Variants in EPB41L4B observed in about 807,000 individuals in gnomAD.
EPB41L4B encodes band 4.1-like protein 4B.
Under a neutral mutation model 112.5 loss-of-function variants are expected in EPB41L4B, and 30 were observed. The ratio of observed to expected loss-of-function variants is 0.27; its 90% CI spans 0.20 to 0.36. The LOEUF is 0.36. EPB41L4B is among the 10% of genes least tolerant of loss of function. The pLI is 1.00. For synonymous variants in EPB41L4B, 408 were observed against 439.7 expected, an observed-to-expected ratio of 0.93 and a Z score of 0.90; for missense variants, 1,024 against 1,133.3, an observed-to-expected ratio of 0.90 and a Z score of 1.38.
At chr9:109,256,525 C>G in intron 7 of EPB41L4B, 45 bp from the exon 8 acceptor site, 2 of 1,555,258 alleles carry the variant, frequency 1.3e-6, no homozygotes, top group Non-Finnish European at 1.8e-6. Context: ...GACTCGTAAG[C>G]CCACAGGATT....
chr9:109,233,684 C>T (rs945978830), intron 15 of EPB41L4B, among the ~76,000 whole-genome samples: 1 of 152,090 alleles, frequency 6.6e-6, no homozygotes, highest in Non-Finnish European at 1.5e-5. Flanking sequence ...GCATGCGCCA[C>T]CAGGTCCAGC....
chr9:109,310,575 G>A (rs1418105173), intron 1 of EPB41L4B, among the ~76,000 whole-genome samples: 2 of 152,212 alleles, frequency 1.3e-5, no homozygotes, highest in Admixed American at 1.3e-4. Flanking sequence ...AGACAAAAAT[G>A]TAAGGGGGAG....
chr9:109,295,496 A>G (rs549649001), intron 1 of EPB41L4B, among the ~76,000 whole-genome samples: 1 of 152,328 alleles, frequency 6.6e-6, no homozygotes, highest in South Asian at 2.1e-4. Context: ...TACAGGCACA[A>G]GAACATAGGA....
chr9:109,278,248 G>C (rs1170074735), intron 2 of EPB41L4B, among the ~76,000 whole-genome samples: 1 of 152,124 alleles, frequency 6.6e-6, no homozygotes, highest in Non-Finnish European at 1.5e-5. Context: ...GGTTCGAGGA[G>C]GACAGTTTGA....
chr9:109,319,869 G>A (rs975063060), intron 1 of EPB41L4B, among the ~76,000 whole-genome samples: 1 of 152,184 alleles, frequency 6.6e-6, no homozygotes, highest in Middle Eastern at 3.2e-3. Flanking sequence ...GGGAGGGGGC[G>A]AGGCCCCAAG....
At chr9:109,185,425 GCCTGGTGGCT>G in intron 23 of EPB41L4B, 54 bp downstream of exon 23, 1 of 1,439,118 alleles carries the variant, frequency 6.9e-7, no homozygotes, top group Non-Finnish European at 9.8e-7. Flanking sequence ...CTTCCACCTC[GCCTGGTGGCT>G]CCTGCCCACC....
At chr9:109,187,042 A>G (rs1412046951) in intron 22 of EPB41L4B, among the ~76,000 whole-genome samples, 1 of 152,156 alleles carries the variant, frequency 6.6e-6, no homozygotes, top group Non-Finnish European at 1.5e-5. Flanking sequence ...ACTGGTGAGG[A>G]TGAGGTTGGA....
chr9:109,254,268 C>G (rs1170426711), intron 11 of EPB41L4B, among the ~76,000 whole-genome samples: 1 of 152,234 alleles, frequency 6.6e-6, no homozygotes, highest in Non-Finnish European at 1.5e-5. Flanking sequence ...GTCCTTCCCG[C>G]CTCACTCCAC....
intron 2 of EPB41L4B, among the ~76,000 whole-genome samples, chr9:109,271,616 C>T (rs1387621415): frequency 1.3e-5 from 2 of 152,194 alleles, no homozygotes; most frequent in Non-Finnish European, 2.9e-5. Context: ...AAACTGTATC[C>T]TACGCTCGGC....
chr9:109,299,432 T>C (rs796955843), intron 1 of EPB41L4B, among the ~76,000 whole-genome samples: 11 of 152,226 alleles, frequency 7.2e-5, no homozygotes, highest in African/African-American at 2.6e-4. Flanking sequence ...TGCACCACCA[T>C]GCCTAGCTGA....
chr9:109,274,928 C>G (rs1330029606), intron 2 of EPB41L4B, among the ~76,000 whole-genome samples: 2 of 152,220 alleles, frequency 1.3e-5, no homozygotes, highest in Non-Finnish European at 2.9e-5. Context: ...CAGCACTTAT[C>G]GTGATCAGGC....
intron 24 of EPB41L4B, among the ~76,000 whole-genome samples, chr9:109,181,486 T>C (rs1246553011): frequency 6.6e-6 from 1 of 152,208 alleles, no homozygotes; most frequent in African/African-American, 2.4e-5. Flanking sequence ...TTGGTCCCTT[T>C]TGATCCTTGC....
intron 24 of EPB41L4B, among the ~76,000 whole-genome samples, chr9:109,178,530 C>T (rs771798249): frequency 2.0e-5 from 3 of 152,154 alleles, no homozygotes; most frequent in Non-Finnish European, 2.9e-5. Context: ...TGCCTGCCAC[C>T]GCACTCAGCT....
rs1588176377 is a variant in EPB41L4B, at chr9:109,256,040, T to C, written c.929+96A>G. 3 of 1,241,732 alleles carry C rather than the reference T, an allele frequency of 2.4e-6. No homozygotes were observed. In the East Asian group the frequency reaches 6.9e-5, roughly 29 times the overall value. The allele number at this position is 1,241,732 out of a possible 1,614,324, so 76.9% of individuals were successfully genotyped here. ...GCACCGTGTGCTCTGAGGATGAATCTGGGTGTTGCAGATACCCCTCAATAA... is the reference window on the plus strand; with the variant it reads ...GCACCGTGTGCTCTGAGGATGAATCCGGGTGTTGCAGATACCCCTCAATAA... On this transcript the variant is annotated intron_variant, in intron 9 of 25. Coordinates refer to ENST00000374566, the MANE Select transcript of EPB41L4B (RefSeq NM_019114.5).
intron 2 of EPB41L4B, among the ~76,000 whole-genome samples, chr9:109,270,720 C>T (rs1481231977): frequency 1.3e-5 from 2 of 152,214 alleles, no homozygotes; most frequent in African/African-American, 2.4e-5. Context: ...CTTCTCACCA[C>T]CATGTTGAGT....
At position 109,255,698 on chromosome 9, in the gene EPB41L4B, A is replaced by G; in HGVS notation, c.1000-18T>C. 1.2e-6 allele frequency: 2 copies of G among 1,610,384 alleles called. No individual in the cohort carries two copies. Among genetic ancestry groups the G allele is most frequent in the Non-Finnish European group, 1.7e-6 (2 of 1,177,012 alleles). On this transcript the variant is annotated intron_variant, in intron 10 of 25. Transcript: ENST00000374566. ...TCACGTCCCTTAAAGAGGAAGCACA[A>G]GGGCCTCGAGTGGGCGTTTGCAACC...
Position 109,176,050 on chromosome 9 carries a change from GCACA to G in EPB41L4B, c.2633+497_2633+500del, listed in dbSNP as rs58215877. On this transcript the variant is annotated intron_variant, in intron 25 of 25. Coordinates refer to ENST00000374566, the MANE Select transcript of EPB41L4B (RefSeq NM_019114.5). ...TATCCCTTGTCAATATCACACACACGCACACACACACACACACACACACACACAC... is the reference window on the plus strand; with the variant it reads ...TATCCCTTGTCAATATCACACACACGCACACACACACACACACACACACAC... Among the ~76,000 whole-genome samples the G allele has an allele frequency of 8.2e-3, 270 of 32,952 alleles. 2 individuals are homozygous for G. The highest frequency in any genetic ancestry group is 0.041 in the African/African-American group (164 of 4,036). The allele number at this position is 32,952 out of a possible 152,430, so 21.6% of individuals were successfully genotyped here.
At chr9:109,280,366 G>T (rs967014088) in intron 1 of EPB41L4B, among the ~76,000 whole-genome samples, 10 of 152,178 alleles carry the variant, frequency 6.6e-5, no homozygotes, top group Admixed American at 4.6e-4. Flanking sequence ...CACAAAGTAG[G>T]TAACGAAGTC....
chr9:109,233,214 GC>G (rs1173894462), intron 15 of EPB41L4B, among the ~76,000 whole-genome samples: 1 of 152,146 alleles, frequency 6.6e-6, no homozygotes, highest in Non-Finnish European at 1.5e-5. Flanking sequence ...AAATTCTGCA[GC>G]CTTTCATCCA....
Sources: allele counts gnomAD v4.1 joint callset (sites outside exome capture counted in the v4.1 genomes callset), GRCh38; gene constraint gnomAD v4.1.1; transcripts MANE v1.5; gene names NCBI Gene and HGNC (gene_info 2026-07-23, HGNC 2026-07-21).